NCAM2: variants seen among roughly 807,000 people sequenced by gnomAD.
NCAM2 encodes N-CAM-2.
NCAM2 carries 30 observed loss-of-function variants against 98.1 expected under a neutral mutation model. The observed-to-expected ratio is 0.31, with a 90% CI of 0.23 to 0.41. The LOEUF (loss-of-function observed/expected upper bound fraction) is 0.41. Among genes scored for constraint, NCAM2 ranks in the 10% least tolerant of loss-of-function variants. NCAM2 has a pLI of 1.00. For missense variants in NCAM2, 867 were observed against 1,005.8 expected, an observed-to-expected ratio of 0.86 and a Z score of 1.87; for synonymous variants, 368 against 342.4, an observed-to-expected ratio of 1.07 and a Z score of -0.83.
chr21:21,234,227 G>A lies in NCAM2; in HGVS notation c.56-46351G>A, dbSNP rs59223407. Among the ~76,000 whole-genome samples the A allele has an allele frequency of 6.8e-3, 1,036 of 151,756 alleles. 5 individuals carry two copies. Among genetic ancestry groups the A allele is most frequent in the East Asian group, 0.028 (147 of 5,168 alleles). On this transcript the variant is annotated intron_variant, in intron 1 of 17. Transcript: ENST00000400546. ...TGCACTAGAGCAGCACCTTGCCCTG[G>A]AAGTACTCTAGTTAATGCAGGAGTA...
chr21:21,450,763 C>T (rs1288996748), intron 12 of NCAM2, among the ~76,000 whole-genome samples: 1 of 149,710 alleles, frequency 6.7e-6, no homozygotes, highest in African/African-American at 2.5e-5. Flanking sequence ...GTTATTCCTC[C>T]TCCCCATCAT....
At chr21:21,183,554 T>C (rs2068545820) in intron 1 of NCAM2, among the ~76,000 whole-genome samples, 1 of 152,132 alleles carries the variant, frequency 6.6e-6, no homozygotes, top group South Asian at 2.1e-4. Flanking sequence ...CTTTTCACTG[T>C]CGTATTCCCC....
intron 15 of NCAM2, among the ~76,000 whole-genome samples, chr21:21,483,365 TA>T (rs577301728): frequency 1.3e-4 from 19 of 151,700 alleles, no homozygotes; most frequent in Non-Finnish European, 2.1e-4. Flanking sequence ...TTTAACAAGC[TA>T]AAAAAAATAA....
intron 1 of NCAM2, among the ~76,000 whole-genome samples, chr21:21,191,748 T>G (rs564419029): frequency 4.6e-5 from 7 of 152,332 alleles, no homozygotes; most frequent in Middle Eastern, 3.4e-3. Context: ...GAGTTTCTTC[T>G]GTGCAGCAGG....
intron 1 of NCAM2, among the ~76,000 whole-genome samples, chr21:21,113,003 G>A (rs187309841): frequency 2.6e-5 from 4 of 152,158 alleles, no homozygotes; most frequent in East Asian, 1.9e-4. Context: ...ACAAAACTTC[G>A]TCTTTTCCAG....
chr21:21,303,887 T>G (rs760936737), intron 5 of NCAM2, among the ~76,000 whole-genome samples: 13 of 152,166 alleles, frequency 8.5e-5, no homozygotes, highest in Non-Finnish European at 1.8e-4. Context: ...GTTAAACATC[T>G]TCTCATATAC....
At chr21:21,163,327 T>C (rs867633228) in intron 1 of NCAM2, among the ~76,000 whole-genome samples, 1 of 152,078 alleles carries the variant, frequency 6.6e-6, no homozygotes, top group Non-Finnish European at 1.5e-5. Flanking sequence ...GAAGGGAGGC[T>C]CTAGAGGGAT....
chr21:21,477,776 GA>G (rs1456833613), intron 15 of NCAM2, among the ~76,000 whole-genome samples: 7 of 152,126 alleles, frequency 4.6e-5, no homozygotes, highest in Non-Finnish European at 1.0e-4. Flanking sequence ...GAGGCCATAC[GA>G]AAGCTTTGCT....
chr21:21,515,170 T>A (rs1048218349), intron 16 of NCAM2, among the ~76,000 whole-genome samples: 2 of 152,166 alleles, frequency 1.3e-5, no homozygotes, highest in Admixed American at 1.3e-4. Context: ...TTGTAAATAA[T>A]CTAGATTTAC....
At chr21:21,224,019 T>C (rs2070279305) in intron 1 of NCAM2, among the ~76,000 whole-genome samples, 1 of 152,154 alleles carries the variant, frequency 6.6e-6, no homozygotes. Flanking sequence ...CCCAGAGCTC[T>C]CTAGAACATT....
At chr21:21,189,938 T>C (rs1459276828) in intron 1 of NCAM2, among the ~76,000 whole-genome samples, 2 of 152,198 alleles carry the variant, frequency 1.3e-5, no homozygotes, top group East Asian at 3.9e-4. Flanking sequence ...GCCTAGTTAC[T>C]CAGAAACTTG....
chr21:21,058,225 A>G (rs1441368583), intron 1 of NCAM2, among the ~76,000 whole-genome samples: 1 of 31,486 alleles, frequency 3.2e-5, no homozygotes, highest in Non-Finnish European at 1.2e-4. Context: ...AAAACAAGAT[A>G]TAAAACAGCA....
chr21:21,050,918 A>C (rs188354304), intron 1 of NCAM2, among the ~76,000 whole-genome samples: 1 of 152,346 alleles, frequency 6.6e-6, no homozygotes. Flanking sequence ...GAAATAGTTA[A>C]ATATTTATTT....
At chr21:21,065,551 C>T (rs899866170) in intron 1 of NCAM2, among the ~76,000 whole-genome samples, 4 of 152,180 alleles carry the variant, frequency 2.6e-5, no homozygotes, top group East Asian at 3.9e-4. Flanking sequence ...ATCTTCTTTA[C>T]GTTGTGTTTT....
chr21:21,083,423 CT>C (rs201441950), intron 1 of NCAM2, among the ~76,000 whole-genome samples: 1,522 of 134,644 alleles, frequency 0.011, 14 homozygotes, highest in East Asian at 0.062. Context: ...TATAAATCAT[CT>C]TTTTTTTTTT....
At chr21:21,282,690 A>G (rs2072970404) in intron 2 of NCAM2, among the ~76,000 whole-genome samples, 1 of 151,806 alleles carries the variant, frequency 6.6e-6, no homozygotes, top group Non-Finnish European at 1.5e-5. Context: ...ACACCCTCAA[A>G]GAGCTAAAGA....
At chr21:21,376,041 A>G (rs1329516366) in intron 9 of NCAM2, among the ~76,000 whole-genome samples, 1 of 151,822 alleles carries the variant, frequency 6.6e-6, no homozygotes, top group East Asian at 1.9e-4. Context: ...CTAGTATTAG[A>G]ATAATAGGAC....
intron 1 of NCAM2, among the ~76,000 whole-genome samples, chr21:21,053,521 G>T (rs2065153416): frequency 6.6e-6 from 1 of 151,516 alleles, no homozygotes; most frequent in African/African-American, 2.4e-5. Flanking sequence ...GGTCAACTTT[G>T]TAGACTATGT....
At chr21:21,142,292 TTA>T (rs1275528107) in intron 1 of NCAM2, among the ~76,000 whole-genome samples, 2 of 152,106 alleles carry the variant, frequency 1.3e-5, no homozygotes, top group Non-Finnish European at 2.9e-5. Flanking sequence ...CTTGGATAGT[TTA>T]TGTTTGTGCA....
Sources: allele counts gnomAD v4.1 joint callset (sites outside exome capture counted in the v4.1 genomes callset), GRCh38; gene constraint gnomAD v4.1.1; transcripts MANE v1.5; gene names NCBI Gene and HGNC (gene_info 2026-07-23, HGNC 2026-07-21).